The following PEAK1 variants were observed in gnomAD, a reference collection of about 807,000 sequenced individuals.
The protein encoded by PEAK1 is inactive tyrosine-protein kinase PEAK1.
Under a neutral mutation model 124.7 loss-of-function variants are expected in PEAK1, and 54 were observed. The ratio of observed to expected loss-of-function variants is 0.43; its 90% CI spans 0.35 to 0.54. The LOEUF (loss-of-function observed/expected upper bound fraction) is 0.54. Ranked by LOEUF, PEAK1 falls within the 20% of genes least tolerant of loss-of-function variation. The pLI is 0.01. For synonymous variants in PEAK1, 719 were observed against 760.0 expected (o/e 0.95, Z 0.89); for missense variants, 2,046 against 2,134.5 (o/e 0.96, Z 0.82).
At chr15:77,418,985 G>A in intron 1 of PEAK1, 1 of 984,880 alleles carries the variant, frequency 1.0e-6, no homozygotes, top group Non-Finnish European at 1.2e-6. Flanking sequence ...TTAATTCAAC[G>A]TATGATCTTA....
intron 6 of PEAK1, among the ~76,000 whole-genome samples, chr15:77,205,933 G>A (rs1294155708): frequency 2.8e-5 from 4 of 141,796 alleles, no homozygotes; most frequent in South Asian, 4.8e-4. Flanking sequence ...CCACTAACTC[G>A]TCATCTAGCA....
intron 2 of PEAK1, among the ~76,000 whole-genome samples, chr15:77,315,485 A>G (rs1285303508): frequency 6.6e-6 from 1 of 152,306 alleles, no homozygotes; most frequent in Non-Finnish European, 1.5e-5. Context: ...TGGAATATTT[A>G]AGTATTTGCA....
intron 2 of PEAK1, among the ~76,000 whole-genome samples, chr15:77,315,876 A>G (rs1422394661): frequency 6.6e-6 from 1 of 152,156 alleles, no homozygotes; most frequent in African/African-American, 2.4e-5. Context: ...GTGGTATCCT[A>G]GATGGGTTCC....
chr15:77,360,026 T>C (rs4886862), intron 2 of PEAK1, among the ~76,000 whole-genome samples: 101,033 of 152,074 alleles, frequency 0.66, 34,400 homozygotes, highest in Non-Finnish European at 0.75. Flanking sequence ...AACTTTATTA[T>C]ACAACTACAG....
chr15:77,236,539 C>G lies in PEAK1; in HGVS notation c.-115+15828G>C, dbSNP rs116480615. 2.8e-3 allele frequency among the ~76,000 whole-genome samples: 430 copies of G among 152,312 alleles called. 1 individual carries two copies. The highest frequency in any genetic ancestry group is 0.01 in the African/African-American group (418 of 41,564). On this transcript the variant is annotated intron_variant, in intron 6 of 9. Coordinates refer to ENST00000682557, the MANE Select transcript of PEAK1 (RefSeq NM_001385026.1). ...AGGAACTAACTTGTTTTTGACTTTA[C>G]AGGCTCATAGGTGGATGGAACTTGC... is the stretch of plus-strand genomic sequence containing the variant.
chr15:77,113,446 T>A lies in PEAK1; in HGVS notation c.*710A>T, dbSNP rs2051103393. The A allele has an allele frequency of 6.6e-6, 1 of 152,480 alleles. No individual in the cohort carries two copies. The highest frequency in any genetic ancestry group is 1.5e-5 in the Non-Finnish European group (1 of 68,278). 9.4% of individuals were successfully genotyped at this position (152,480 alleles called of 1,614,324 possible). On this transcript the variant is annotated 3_prime_UTR_variant, in exon 10 of 10. Coordinates refer to ENST00000682557, the MANE Select transcript of PEAK1 (RefSeq NM_001385026.1). ...AGTGGCTGATAAATCCAAACTTCAC[T>A]GGCAAGTGGGGACAGAGTGGAGAAT...
Position 77,133,078 on chromosome 15 carries a change from C to G in PEAK1, c.4004G>C (p.Cys1335Ser). Residue 1335 changes from cysteine to serine, a missense_variant, in exon 9 of 10, where the codon TGT becomes TCT. Physicochemically the swap from Cys to Ser is moderately radical, Grantham distance 112 (BLOSUM62 -1). Coordinates refer to ENST00000682557, the MANE Select transcript of PEAK1 (RefSeq NM_001385026.1). The surrounding 1 kb of genome is among the most constrained non-coding windows in gnomAD (Gnocchi z 4.2). ...SDFRLTSDKP[C>S]CEAGDAVYYT... ...GTAAACCGCATCACCTGCCTCACAA[C>G]ATGGTTTGTCACTGGTTAGCCTGAA... The G allele has an allele frequency of 6.2e-7, 1 of 1,614,212 alleles. No individual in the cohort carries two copies.
chr15:77,276,394 A>G (rs2062329398), intron 5 of PEAK1, among the ~76,000 whole-genome samples: 1 of 152,198 alleles, frequency 6.6e-6, no homozygotes, highest in South Asian at 2.1e-4. Context: ...ATGACAGTAA[A>G]TTTCTCATTA....
chr15:77,331,885 G>T (rs2065909695), intron 2 of PEAK1, among the ~76,000 whole-genome samples: 1 of 151,966 alleles, frequency 6.6e-6, no homozygotes, highest in Admixed American at 6.6e-5. Context: ...CAAAGTGCTG[G>T]GATTACAGGC....
rs372256940 is a variant in PEAK1, at chr15:77,114,386, G to C, written c.5011C>G (p.Arg1671Gly). 1.2e-6 allele frequency: 2 copies of C among 1,614,036 alleles called. No homozygotes were observed. The highest frequency in any genetic ancestry group is 1.3e-5 in the African/African-American group (1 of 74,912). ...GILQCLLWGP[R>G]EDLFQTFTAC... Reference sequence around the variant, plus strand: ...GTGAAAGTCTGGAAGAGATCTTCGCGGGGGCCCCAGAGCAGACACTGGAGG... The same window carrying C: ...GTGAAAGTCTGGAAGAGATCTTCGCCGGGGCCCCAGAGCAGACACTGGAGG... Residue 1671 changes from arginine to glycine, a missense_variant, in exon 10 of 10, where the codon CGC becomes GGC. Transcript: ENST00000682557.
intron 5 of PEAK1, among the ~76,000 whole-genome samples, chr15:77,276,184 GA>G (rs1324004951): frequency 6.6e-6 from 1 of 152,094 alleles, no homozygotes; most frequent in Non-Finnish European, 1.5e-5. Context: ...AAAATAATTT[GA>G]AAAAATATGA....
At chr15:77,171,869 C>A (rs1792456357) in intron 7 of PEAK1, among the ~76,000 whole-genome samples, 1 of 151,836 alleles carries the variant, frequency 6.6e-6, no homozygotes, top group African/African-American at 2.4e-5. Flanking sequence ...TAAATAGTAC[C>A]TAAATAATAT....
chr15:77,373,506 G>T (rs1389436), intron 1 of PEAK1, among the ~76,000 whole-genome samples: 99,647 of 151,926 alleles, frequency 0.66, 33,654 homozygotes, highest in Non-Finnish European at 0.75. Flanking sequence ...ACTTAAGTAC[G>T]GAAATACTTC....
intron 7 of PEAK1, among the ~76,000 whole-genome samples, chr15:77,161,386 T>G (rs2055624339): frequency 6.6e-6 from 1 of 152,234 alleles, no homozygotes; most frequent in African/African-American, 2.4e-5. Context: ...ATTAACCCTT[T>G]GCAAACTAAG....
rs1295631051 is a variant in PEAK1, at chr15:77,114,131, A to C, written c.*25T>G. On this transcript the variant is annotated 3_prime_UTR_variant, in exon 10 of 10. Transcript: ENST00000682557. ...GGTGACATGAAGAAGGTGAAGATGT[A>C]GTAAAAGCATCATCCAGGTACACAT... is the stretch of plus-strand genomic sequence containing the variant. 2.5e-6 allele frequency: 4 copies of C among 1,601,480 alleles called. No individual in the cohort carries two copies. In the South Asian group the frequency reaches 4.4e-5, roughly 18 times the overall value.
chr15:77,269,546 A>T lies in PEAK1; in HGVS notation c.-275+14337T>A, dbSNP rs112898289. ...ATTACTACTAGACCTAAGAAATTAG[A>T]TAGGCAACAACAAAATAATAGTGGG... On this transcript the variant is annotated intron_variant, in intron 5 of 9. Transcript: ENST00000682557. 2.0e-3 allele frequency among the ~76,000 whole-genome samples: 305 copies of T among 152,318 alleles called. 1 individual carries two copies. The highest frequency in any genetic ancestry group is 7.3e-3 in the African/African-American group (302 of 41,574).
intron 1 of PEAK1, among the ~76,000 whole-genome samples, chr15:77,373,406 GA>G (rs572295473): frequency 1.1e-3 from 169 of 152,300 alleles, no homozygotes; most frequent in African/African-American, 3.6e-3. Context: ...TATGGTTAGA[GA>G]ACAGTAAGCT....
downstream of PEAK1, chr15:77,104,886 G>GCTGTTAAGCTTAAT (rs2050731198): frequency 6.6e-6 from 1 of 152,202 alleles, no homozygotes; most frequent in African/African-American, 2.4e-5. Context: ...TGTTAAGCTA[G>GCTGTTAAGCTTAAT]TTCATGGGAA....
intron 6 of PEAK1, among the ~76,000 whole-genome samples, chr15:77,192,946 T>G (rs2057914809): frequency 6.6e-6 from 1 of 152,184 alleles, no homozygotes; most frequent in African/African-American, 2.4e-5. Context: ...GTGTCTTTTT[T>G]CTGTACACAG....
Sources: allele counts gnomAD v4.1 joint callset (sites outside exome capture counted in the v4.1 genomes callset), GRCh38; gene constraint gnomAD v4.1.1; non-coding constraint Gnocchi (gnomAD v3.1); transcripts MANE v1.5; gene names NCBI Gene and HGNC (gene_info 2026-07-23, HGNC 2026-07-21).